SPTBN1: variants seen among roughly 807,000 people sequenced by gnomAD.
SPTBN1 encodes spectrin beta chain, non-erythrocytic 1.
SPTBN1 carries 32 observed loss-of-function variants against 266.4 expected under a neutral mutation model. The observed-to-expected ratio is 0.12, with a 90% confidence interval of 0.09 to 0.16. The LOEUF is 0.16. Ranked by LOEUF, SPTBN1 falls within the 10% of genes least tolerant of loss-of-function variation. The pLI, the probability that SPTBN1 is intolerant of heterozygous loss-of-function variation, is 1.00. For missense variants in SPTBN1, 2,296 were observed against 3,067.1 expected (o/e 0.75, Z 5.94); for synonymous variants, 1,336 against 1,162.2 (o/e 1.15, Z -3.04).
intron 1 of SPTBN1, among the ~76,000 whole-genome samples, chr2:54,458,353 G>C (rs749605949): frequency 6.6e-6 from 1 of 151,854 alleles, no homozygotes; most frequent in Non-Finnish European, 1.5e-5. Flanking sequence ...TGTTTTCATC[G>C]TTTGCTTTTT....
Position 54,626,353 on chromosome 2 carries a change from C to G in SPTBN1, c.1644+119C>G, listed in dbSNP as rs1678329670. On this transcript the variant is annotated intron_variant, in intron 12 of 35. Coordinates refer to ENST00000356805, the MANE Select transcript of SPTBN1 (RefSeq NM_003128.3). The surrounding 1 kb of genome is among the most constrained non-coding windows in gnomAD (Gnocchi z 4.7). ...TGCCTTGTCTAACTGCCCACATGTA[C>G]AGCTAGAGAGGAGCCACATCACCCA... The G allele has an allele frequency of 1.0e-5, 13 of 1,258,590 alleles. No homozygotes were observed. The South Asian group carries it at 2.0e-4, about 20-fold the overall frequency. 78.0% of individuals were successfully genotyped at this position (1,258,590 alleles called of 1,614,324 possible).
intron 32 of SPTBN1, chr2:54,660,814 C>T (rs1680983963): frequency 6.1e-6 from 6 of 985,434 alleles, no homozygotes; most frequent in Non-Finnish European, 7.2e-6. Flanking sequence ...GCTGCCGCCA[C>T]CTCTGTCTCG....
intron 11 of SPTBN1, 23 bp from the exon 12 acceptor site, chr2:54,625,909 C>A: frequency 6.2e-7 from 1 of 1,606,182 alleles, no homozygotes; most frequent in Non-Finnish European, 8.5e-7. Context: ...TATTTTCCTT[C>A]TTTTCATTCC....
chr2:54,611,465 ACT>A (rs200604514), intron 3 of SPTBN1, among the ~76,000 whole-genome samples: 25 of 150,620 alleles, frequency 1.7e-4, no homozygotes, highest in African/African-American at 5.4e-4. Context: ...TGCATTATCT[ACT>A]CTCTCTCTAT....
rs564671999 is a variant in SPTBN1, at chr2:54,525,519, T to C, written c.-47-853T>C. 2.0e-5 allele frequency among the ~76,000 whole-genome samples: 3 copies of C among 151,682 alleles called. No individual in the cohort carries two copies. The East Asian group carries it at 5.9e-4, about 30-fold the overall frequency. ...AAAGTGCTGGGATTAGAGGCGTGAG[T>C]CACTGTGCCTGGCCTTACATCTTAA... On this transcript the variant is annotated intron_variant, in intron 1 of 35. Coordinates refer to ENST00000356805, the MANE Select transcript of SPTBN1 (RefSeq NM_003128.3).
At chr2:54,484,883 A>T (rs1668273576) in intron 1 of SPTBN1, among the ~76,000 whole-genome samples, 1 of 152,200 alleles carries the variant, frequency 6.6e-6, no homozygotes, top group African/African-American at 2.4e-5. Context: ...CAGACCAAGA[A>T]AATTAATGCA....
chr2:54,507,869 G>A (rs12622708), intron 1 of SPTBN1, among the ~76,000 whole-genome samples: 45,350 of 150,856 alleles, frequency 0.3, 8,212 homozygotes, highest in East Asian at 0.45. Flanking sequence ...TGCAAAGCCA[G>A]CAATTGTTTG....
Position 54,645,549 on chromosome 2 carries a change from C to A in SPTBN1, c.4494+96C>A. On this transcript the variant is annotated intron_variant, in intron 21 of 35. Coordinates refer to ENST00000356805, the MANE Select transcript of SPTBN1 (RefSeq NM_003128.3). This position sits in a 1 kb window ranked among gnomAD's most constrained non-coding sequence, Gnocchi z 4.3. ...ACTTCTCAGTCATCCTCACCTTGGG[C>A]CACGTTGGCAAGCTGAGCTGCCAAA... 1 of 1,353,770 alleles carries A rather than the reference C, an allele frequency of 7.4e-7. No individual in the cohort carries two copies. Among genetic ancestry groups the A allele is most frequent in the Non-Finnish European group, 1.0e-6 (1 of 988,648 alleles). 83.9% of individuals were successfully genotyped at this position (1,353,770 alleles called of 1,614,324 possible). A position where few individuals can be genotyped will look rare whatever the true frequency, so the allele number is the denominator to read the frequency against.
chr2:54,624,664 CAGTG>C (rs1678211729), intron 10 of SPTBN1, 136 bp from the exon 11 acceptor site: 7 of 1,261,938 alleles, frequency 5.5e-6, no homozygotes, highest in South Asian at 3.0e-5. Flanking sequence ...GCTTGAGAGT[CAGTG>C]AGAGTGGGAA....
At chr2:54,563,590 A>ATTTTTT (rs1673465104) in intron 2 of SPTBN1, among the ~76,000 whole-genome samples, 1 of 84,848 alleles carries the variant, frequency 1.2e-5, no homozygotes, top group Non-Finnish European at 2.5e-5. Context: ...AAGAAAATTT[A>ATTTTTT]TTCTTTTTTT....
rs963721733 is a variant in SPTBN1 at position 54,616,087 on chromosome 2, G to A, written c.475-120G>A. 7.7e-5 allele frequency: 56 copies of A among 726,550 alleles called. 1 individual carries two copies. Among genetic ancestry groups the A allele is most frequent in the African/African-American group, 6.5e-4 (36 of 55,324 alleles). The allele number at this position is 726,550 out of a possible 1,614,324, so 45.0% of individuals were successfully genotyped here. Reference sequence around the variant, plus strand: ...GCAGTTTTCATTGACAGGGTAGATCGTCTGCAGGGCAAGGCTATGATCTAC... The same window carrying A: ...GCAGTTTTCATTGACAGGGTAGATCATCTGCAGGGCAAGGCTATGATCTAC... On this transcript the variant is annotated intron_variant, in intron 4 of 35. Coordinates refer to ENST00000356805, the MANE Select transcript of SPTBN1 (RefSeq NM_003128.3).
intron 29 of SPTBN1, among the ~76,000 whole-genome samples, chr2:54,656,297 C>T (rs1347974891): frequency 6.6e-6 from 1 of 152,150 alleles, no homozygotes; most frequent in African/African-American, 2.4e-5. Context: ...CCCCATTTGT[C>T]TTCAAGAATT....
intron 7 of SPTBN1, among the ~76,000 whole-genome samples, chr2:54,619,803 G>A (rs1677874269): frequency 1.3e-5 from 2 of 152,160 alleles, no homozygotes; most frequent in Admixed American, 1.3e-4. Context: ...AACAGTAGCT[G>A]TGATTCTGGC....
intron 1 of SPTBN1, among the ~76,000 whole-genome samples, chr2:54,484,091 T>G (rs1310492501): frequency 3.3e-5 from 5 of 151,982 alleles, no homozygotes; most frequent in Non-Finnish European, 7.4e-5. Flanking sequence ...GAGGCTGAGG[T>G]TGGAGGATTA....
rs370878173 is a variant in SPTBN1 at position 54,556,672 on chromosome 2, G to GGT, written c.148+30121_148+30122dup. On this transcript the variant is annotated intron_variant, in intron 2 of 35. Coordinates refer to ENST00000356805, the MANE Select transcript of SPTBN1 (RefSeq NM_003128.3). ...TCAACTTCTCTTGTAGTCTTGATGT[G>GGT]GTGTGTGTGTGTGTGTTTGTGTGTG... Among the ~76,000 whole-genome samples, 164 of 151,580 alleles carry GGT rather than the reference G, an allele frequency of 1.1e-3. 1 individual carries two copies. The highest frequency in any genetic ancestry group is 1.4e-3 in the Non-Finnish European group (93 of 67,812).
intron 2 of SPTBN1, among the ~76,000 whole-genome samples, chr2:54,536,192 C>T (rs769646449): frequency 1.8e-4 from 28 of 152,216 alleles, no homozygotes; most frequent in African/African-American, 6.5e-4. Flanking sequence ...CAAAGTGGAC[C>T]TGTGAGAAAG....
chr2:54,536,751 G>C (rs1671629053), intron 2 of SPTBN1, among the ~76,000 whole-genome samples: 1 of 152,294 alleles, frequency 6.6e-6, no homozygotes, highest in East Asian at 1.9e-4. Flanking sequence ...AGAAGGAGAG[G>C]CCGGGAGCTG....
At chr2:54,488,378 T>G (rs1473581414) in intron 1 of SPTBN1, among the ~76,000 whole-genome samples, 1 of 152,214 alleles carries the variant, frequency 6.6e-6, no homozygotes, top group Non-Finnish European at 1.5e-5. Context: ...TCAGTGACTC[T>G]CTGTTTTCAC....
At chr2:54,571,635 G>A (rs1003599975) in intron 2 of SPTBN1, among the ~76,000 whole-genome samples, 4 of 151,822 alleles carry the variant, frequency 2.6e-5, no homozygotes, top group Admixed American at 6.6e-5. Flanking sequence ...GAAGCTGGCT[G>A]CCTATTACTG....
Sources: allele counts gnomAD v4.1 joint callset (sites outside exome capture counted in the v4.1 genomes callset), GRCh38; gene constraint gnomAD v4.1.1; non-coding constraint Gnocchi (gnomAD v3.1); transcripts MANE v1.5; gene names NCBI Gene and HGNC (gene_info 2026-07-23, HGNC 2026-07-21).